The following LARP1 variants were observed in gnomAD, a reference collection of about 807,000 sequenced individuals.
LARP1 encodes La ribonucleoprotein 1, translational regulator, also known as la-related protein 1.
A neutral mutation model predicts 122.7 loss-of-function variants in LARP1; 36 were observed. The observed-to-expected ratio is 0.29, with a 90% CI of 0.22 to 0.39. The LOEUF is 0.39. Among genes scored for constraint, LARP1 ranks in the 10% least tolerant of loss-of-function variants. The pLI, the probability that LARP1 is intolerant of heterozygous loss-of-function variation, is 1.00. For missense variants in LARP1, 1,040 were observed against 1,403.6 expected (o/e 0.74, Z 4.14); for synonymous variants, 539 against 528.7 (o/e 1.02, Z -0.27).
rs1476861776 is a variant in LARP1 at position 154,803,986 on chromosome 5, G to A, written c.2440-215G>A. Among the ~76,000 whole-genome samples the A allele has an allele frequency of 2.6e-5, 4 of 152,092 alleles. No homozygotes were observed. Among genetic ancestry groups the A allele is most frequent in the Non-Finnish European group, 4.4e-5 (3 of 68,026 alleles). On this transcript the variant is annotated intron_variant, in intron 13 of 18. Coordinates refer to ENST00000518297, the MANE Select transcript of LARP1 (RefSeq NM_033551.3). This position sits in a 1 kb window ranked among gnomAD's most constrained non-coding sequence, Gnocchi z 4.4. ...AGGATTGACCAGGTATGAGTCCTTG[G>A]GCAAATCACTGCATTCCCAAACCTT...
chr5:154,743,320 T>A (rs1054591734), intron 1 of LARP1, among the ~76,000 whole-genome samples: 2 of 151,872 alleles, frequency 1.3e-5, no homozygotes, highest in Admixed American at 6.6e-5. Context: ...TTATTTATTT[T>A]TTTTTGAAAT....
chr5:154,815,889 G>T lies in LARP1; in HGVS notation c.*1793G>T, dbSNP rs574589195. On this transcript the variant is annotated 3_prime_UTR_variant, in exon 19 of 19. Coordinates refer to ENST00000518297, the MANE Select transcript of LARP1 (RefSeq NM_033551.3). The stretch of plus-strand genomic sequence containing the variant: ...GTGTCGGTTATGGGCATGACTGCAC[G>T]TTCACTCTCAGTGGGATCTGGGCAA... 6.6e-6 allele frequency: 1 copy of T among 152,318 alleles called. No individual in the cohort carries two copies. Among genetic ancestry groups the T allele is most frequent in the Non-Finnish European group, 1.5e-5 (1 of 68,084 alleles). The allele number at this position is 152,318 out of a possible 1,614,324, so 9.4% of individuals were successfully genotyped here.
At chr5:154,700,393 G>T (rs368491850) in intron 1 of LARP1, among the ~76,000 whole-genome samples, 1 of 151,734 alleles carries the variant, frequency 6.6e-6, no homozygotes, top group Non-Finnish European at 1.5e-5. Flanking sequence ...GTGGCTGGTC[G>T]CAATGGCTCA....
chr5:154,779,913 G>T (rs1487820645), intron 1 of LARP1, among the ~76,000 whole-genome samples: 1 of 152,164 alleles, frequency 6.6e-6, no homozygotes, highest in East Asian at 1.9e-4. Flanking sequence ...AGCCTGTCCT[G>T]TCTCCATGTT....
At chr5:154,783,717 A>G (rs1321057824) in intron 1 of LARP1, among the ~76,000 whole-genome samples, 1 of 151,808 alleles carries the variant, frequency 6.6e-6, no homozygotes, top group Non-Finnish European at 1.5e-5. Context: ...GATTAAGAGA[A>G]TCCATGCCCA....
chr5:154,712,800 C>T (rs1755281433), upstream of LARP1: 3 of 777,252 alleles, frequency 3.9e-6, no homozygotes, highest in South Asian at 1.7e-5. Flanking sequence ...AGGCACCCAG[C>T]GTCTGGAAGG....
intron 1 of LARP1, among the ~76,000 whole-genome samples, chr5:154,772,468 T>C (rs1488899755): frequency 6.6e-6 from 1 of 152,176 alleles, no homozygotes; most frequent in East Asian, 1.9e-4. Context: ...GCCTTCCCGT[T>C]GTCTATGGGG....
intron 3 of LARP1, 114 bp downstream of exon 3, chr5:154,790,824 T>C (rs1209420338): frequency 1.0e-6 from 1 of 977,654 alleles, no homozygotes; most frequent in Non-Finnish European, 1.6e-6. Context: ...CATTCTTTCT[T>C]TTTTTTCCCC....
In LARP1 at chr5:154,689,864, G is replaced by A. The variant is rs1582139644; in HGVS notation, c.-180+6827G>A. 2.0e-5 allele frequency among the ~76,000 whole-genome samples: 3 copies of A among 152,180 alleles called. No homozygotes were observed. The South Asian group carries it at 6.2e-4, about 32-fold the overall frequency. ...GGCCAAGGCGGGCGGATCACCTGAG[G>A]TCGGGAGTTCGAGACCAGCCTGGCC... On this transcript the variant is annotated intron_variant, in intron 1 of 18. Transcript: ENST00000687700.
intron 8 of LARP1, among the ~76,000 whole-genome samples, chr5:154,798,739 C>T (rs2113816452): frequency 6.6e-6 from 1 of 152,308 alleles, no homozygotes; most frequent in Middle Eastern, 3.4e-3. Flanking sequence ...AGCGATCTAC[C>T]CACCTTGACC....
chr5:154,683,865 T>C (rs1266469754), intron 1 of LARP1, among the ~76,000 whole-genome samples: 1 of 152,202 alleles, frequency 6.6e-6, no homozygotes, highest in Non-Finnish European at 1.5e-5. Context: ...AGACCTCAAA[T>C]GGGAGATGAT....
upstream of LARP1, among the ~76,000 whole-genome samples, chr5:154,755,147 G>T (rs1375781076): frequency 6.6e-6 from 1 of 151,572 alleles, no homozygotes; most frequent in African/African-American, 2.4e-5. Flanking sequence ...CCCAGCCCGG[G>T]AGGTGCTCTG....
chr5:154,757,540 G>A (rs1754071213), intron 1 of LARP1, among the ~76,000 whole-genome samples: 1 of 151,840 alleles, frequency 6.6e-6, no homozygotes. Context: ...TCGTAGCCCT[G>A]GTGCTTTTAA....
chr5:154,700,194 CA>C (rs535131376), intron 1 of LARP1, among the ~76,000 whole-genome samples: 15 of 152,106 alleles, frequency 9.9e-5, no homozygotes, highest in Admixed American at 8.5e-4. Context: ...AAAATTAATG[CA>C]AAAAGGTATG....
chr5:154,765,653 C>T lies in LARP1; in HGVS notation c.436+9460C>T, dbSNP rs368056193. ...AAGCAGTCCTCCCACCTCGGTTTCC[C>T]AAAGTGCCAGGATTACAAGCATGAG... On this transcript the variant is annotated intron_variant, in intron 1 of 18. Coordinates refer to ENST00000518297, the MANE Select transcript of LARP1 (RefSeq NM_033551.3). Among the ~76,000 whole-genome samples, 19 of 152,262 alleles carry T rather than the reference C, an allele frequency of 1.2e-4. No individual in the cohort carries two copies. The East Asian group carries it at 2.5e-3, about 20-fold the overall frequency.
At chr5:154,748,554 G>A (rs1753320220) in intron 1 of LARP1, among the ~76,000 whole-genome samples, 1 of 152,178 alleles carries the variant, frequency 6.6e-6, no homozygotes, top group South Asian at 2.1e-4. Flanking sequence ...TGAAGAAGTT[G>A]ACATTTGGTG....
intron 1 of LARP1, among the ~76,000 whole-genome samples, chr5:154,690,000 C>G (rs530267505): frequency 6.6e-6 from 1 of 151,988 alleles, no homozygotes; most frequent in South Asian, 2.1e-4. Flanking sequence ...GAGATCGCGC[C>G]GTTGCACTCC....
chr5:154,724,337 T>A (rs1452517797), intron 1 of LARP1, among the ~76,000 whole-genome samples: 2 of 152,236 alleles, frequency 1.3e-5, no homozygotes, highest in Non-Finnish European at 2.9e-5. Flanking sequence ...TCTAAAGCTC[T>A]GACTCAGCTA....
At chr5:154,797,199 G>C (rs906540211) in intron 8 of LARP1, among the ~76,000 whole-genome samples, 1 of 131,708 alleles carries the variant, frequency 7.6e-6, no homozygotes. Context: ...ACATCATGGA[G>C]TTATTCTGTT....
Sources: gnomAD v4.1 joint callset for allele counts (sites outside exome capture counted in the v4.1 genomes callset) on GRCh38, gnomAD v4.1.1 for gene constraint, Gnocchi (gnomAD v3.1) non-coding constraint, MANE v1.5 for transcripts, NCBI Gene and HGNC (gene_info 2026-07-23, HGNC 2026-07-21) for gene names.